The following SV2B variants were observed in gnomAD, a reference collection of about 807,000 sequenced individuals.
The protein encoded by SV2B is solute carrier family 22 member B2.
Under a neutral mutation model 73.9 loss-of-function variants are expected in SV2B, and 41 were observed. That is an observed-to-expected ratio of 0.56 (90% CI 0.43 to 0.72). The LOEUF is 0.72. Among genes scored for constraint, SV2B ranks in the 30% least tolerant of loss-of-function variants. The pLI is 0.00. For missense variants in SV2B, 764 were observed against 857.8 expected (o/e 0.89, Z 1.37); for synonymous variants, 314 against 314.2 (o/e 1.00, Z 0.01).
rs55894252 is a variant in SV2B, at chr15:91,115,537, A to ATT, written c.-392+15184_-392+15185dup. Reference sequence around the variant, plus strand: ...CAGGCACCCACCATCATGCCTGGCTATTTTTTTTTTTGTATTTTTAGTAGA... The same window carrying ATT: ...CAGGCACCCACCATCATGCCTGGCTATTTTTTTTTTTTTGTATTTTTAGTAGA... On this transcript the variant is annotated intron_variant, in intron 1 of 12. Transcript: ENST00000394232. The surrounding 1 kb of genome is among the most constrained non-coding windows in gnomAD (Gnocchi z 4.3). Among the ~76,000 whole-genome samples, 29 of 144,694 alleles carry ATT rather than the reference A, an allele frequency of 2.0e-4. No homozygotes were observed. The highest frequency in any genetic ancestry group is 5.3e-4 in the African/African-American group (21 of 39,636). 94.9% of individuals were successfully genotyped at this position (144,694 alleles called of 152,430 possible).
chr15:91,127,204 T>G (rs1467871614), intron 1 of SV2B, among the ~76,000 whole-genome samples: 1 of 152,224 alleles, frequency 6.6e-6, no homozygotes, highest in East Asian at 1.9e-4. Flanking sequence ...GAGGTGGATA[T>G]TCACAAAATG....
rs1391185207 is a variant in SV2B, at chr15:91,294,156, G to A, written c.*1604G>A. 6.6e-6 allele frequency: 1 copy of A among 152,226 alleles called. No homozygotes were observed. Among genetic ancestry groups the A allele is most frequent in the African/African-American group, 2.4e-5 (1 of 41,454 alleles). 9.4% of individuals were successfully genotyped at this position (152,226 alleles called of 1,614,324 possible). A position where few individuals can be genotyped will look rare whatever the true frequency, so the allele number is the denominator to read the frequency against. ...CAAGTGCCACATTTTCCCTGGCAGA[G>A]ATCTCCAAAAATTTAAAACAGAATA... On this transcript the variant is annotated 3_prime_UTR_variant, in exon 13 of 13. Transcript: ENST00000394232. This position sits in a 1 kb window ranked among gnomAD's most constrained non-coding sequence, Gnocchi z 4.1.
In SV2B at chr15:91,129,533, A is replaced by G. The variant is rs1021261241; in HGVS notation, c.-392+29170A>G. 2.6e-5 allele frequency among the ~76,000 whole-genome samples: 4 copies of G among 152,184 alleles called. No individual in the cohort carries two copies. In the South Asian group the frequency reaches 8.3e-4, roughly 31 times the overall value. ...GGCCCTAGTGCATGGATGAAGCTGCAAGGGTGGACAGAACCAAAACAGAAG... is the reference window on the plus strand; with the variant it reads ...GGCCCTAGTGCATGGATGAAGCTGCGAGGGTGGACAGAACCAAAACAGAAG... On this transcript the variant is annotated intron_variant, in intron 1 of 12. Coordinates refer to ENST00000394232, the MANE Select transcript of SV2B (RefSeq NM_001323032.3). The surrounding 1 kb of genome is among the most constrained non-coding windows in gnomAD (Gnocchi z 5.1).
intron 6 of SV2B, among the ~76,000 whole-genome samples, chr15:91,262,428 T>A (rs1249358547): frequency 1.3e-5 from 2 of 152,226 alleles, no homozygotes; most frequent in Non-Finnish European, 2.9e-5. Context: ...TTCTAAAATA[T>A]CTGAAATATG....
chr15:91,217,477 A>G (rs1024530840), intron 1 of SV2B, among the ~76,000 whole-genome samples: 2 of 152,306 alleles, frequency 1.3e-5, no homozygotes, highest in East Asian at 1.9e-4. Flanking sequence ...TGACGAGTTA[A>G]TGGGTGCAGC....
chr15:91,145,318 C>A (rs2043115889), intron 1 of SV2B, among the ~76,000 whole-genome samples: 1 of 152,188 alleles, frequency 6.6e-6, no homozygotes, highest in African/African-American at 2.4e-5. Flanking sequence ...AAGGATATGA[C>A]CCCATTCTTT....
intron 9 of SV2B, among the ~76,000 whole-genome samples, chr15:91,272,828 C>CTTTTTTT (rs869274294): frequency 1.1e-5 from 1 of 92,852 alleles, no homozygotes; most frequent in Non-Finnish European, 2.1e-5. Flanking sequence ...GCATATTCGT[C>CTTTTTTT]TTTTTTTTTT....
intron 9 of SV2B, among the ~76,000 whole-genome samples, chr15:91,272,322 C>T (rs557516274): frequency 7.2e-5 from 11 of 152,304 alleles, no homozygotes; most frequent in African/African-American, 2.4e-4. Flanking sequence ...TATGTATTAA[C>T]TAAGTAATTA....
rs2046593576 is a variant in SV2B, at chr15:91,231,984, T to C, written c.451+5270T>C. ...CATAGCAGCTCAGAGATAGATATAT[T>C]ACTCTGCTGTCGTGAAAGATTATCT... On this transcript the variant is annotated intron_variant, in intron 2 of 12. Coordinates refer to ENST00000394232, the MANE Select transcript of SV2B (RefSeq NM_001323032.3). The surrounding 1 kb of genome is among the most constrained non-coding windows in gnomAD (Gnocchi z 4.5). 1.3e-5 allele frequency among the ~76,000 whole-genome samples: 2 copies of C among 152,182 alleles called. No individual in the cohort carries two copies. Among genetic ancestry groups the C allele is most frequent in the Non-Finnish European group, 2.9e-5 (2 of 68,032 alleles).
chr15:91,259,674 A>T (rs2047835634), intron 5 of SV2B, among the ~76,000 whole-genome samples: 1 of 152,082 alleles, frequency 6.6e-6, no homozygotes. Flanking sequence ...CCTCTTTCAG[A>T]TTCTGGTGGT....
In SV2B at chr15:91,242,595, C is replaced by T. The variant is rs535188403; in HGVS notation, c.452-9224C>T. ...TGCGAAGATCTGAACAAAGAACATT[C>T]TAGATAGAGGAAAGAGCAGTGTGAA... is the stretch of plus-strand genomic sequence containing the variant. On this transcript the variant is annotated intron_variant, in intron 2 of 12. Transcript: ENST00000394232. The surrounding 1 kb of genome is among the most constrained non-coding windows in gnomAD (Gnocchi z 4.9). 1.3e-5 allele frequency among the ~76,000 whole-genome samples: 2 copies of T among 152,052 alleles called. No individual in the cohort carries two copies. Among genetic ancestry groups the T allele is most frequent in the Non-Finnish European group, 2.9e-5 (2 of 68,018 alleles).
rs888658374 is a variant in SV2B at position 91,292,755 on chromosome 15, C to T, written c.*203C>T. 7.4e-6 allele frequency: 4 copies of T among 541,814 alleles called. No homozygotes were observed. Among genetic ancestry groups the T allele is most frequent in the Non-Finnish European group, 6.2e-6 (2 of 323,192 alleles). The allele number at this position is 541,814 out of a possible 1,614,324, so 33.6% of individuals were successfully genotyped here. ...CTGATTTGGGGGTGCCCTGAGCCACCCTTAGAATCACAGAGCTGCGTGTTT... is the reference window on the plus strand; with the variant it reads ...CTGATTTGGGGGTGCCCTGAGCCACTCTTAGAATCACAGAGCTGCGTGTTT... On this transcript the variant is annotated 3_prime_UTR_variant, in exon 13 of 13. Coordinates refer to ENST00000394232, the MANE Select transcript of SV2B (RefSeq NM_001323032.3).
At chr15:91,134,986 T>G (rs1009770208) in intron 1 of SV2B, among the ~76,000 whole-genome samples, 1 of 144,186 alleles carries the variant, frequency 6.9e-6, no homozygotes, top group Non-Finnish European at 1.5e-5. Flanking sequence ...TATAACAGTA[T>G]TTCTCAACCT....
intron 1 of SV2B, among the ~76,000 whole-genome samples, chr15:91,153,490 C>T (rs1391998114): frequency 2.6e-5 from 4 of 152,146 alleles, no homozygotes; most frequent in Non-Finnish European, 5.9e-5. Flanking sequence ...TTCCCCATCC[C>T]TCATGGGGAT....
At position 91,227,786 on chromosome 15, in the gene SV2B, T is replaced by C. The variant is rs542578616; in HGVS notation, c.451+1072T>C. On this transcript the variant is annotated intron_variant, in intron 2 of 12. Transcript: ENST00000394232. This position sits in a 1 kb window ranked among gnomAD's most constrained non-coding sequence, Gnocchi z 4.5. ...CAAACACAGAGAATTATTTGGTTAC[T>C]GTAGGGACAGTCTCTATGAAATACC... Among the ~76,000 whole-genome samples, 226 of 152,360 alleles carry C rather than the reference T, an allele frequency of 1.5e-3. No homozygotes were observed. The highest frequency in any genetic ancestry group is 4.9e-3 in the African/African-American group (203 of 41,582).
chr15:91,134,704 A>C (rs2042764885), intron 1 of SV2B, among the ~76,000 whole-genome samples: 1 of 152,206 alleles, frequency 6.6e-6, no homozygotes, highest in South Asian at 2.1e-4. Flanking sequence ...GGAGTAACAT[A>C]TATGAAGTGC....
At chr15:91,221,709 A>G (rs1230987648) in intron 1 of SV2B, among the ~76,000 whole-genome samples, 1 of 150,780 alleles carries the variant, frequency 6.6e-6, no homozygotes, top group Non-Finnish European at 1.5e-5. Flanking sequence ...ACACACACAC[A>G]CACACACACA....
rs574785844 is a variant in SV2B at position 91,279,245 on chromosome 15, T to G, written c.1374-2483T>G. ...TGGTTTTCTTGTTTATCTCTTTAAT[T>G]AGACTGAATTTCTTTAGGGTGATGC... On this transcript the variant is annotated intron_variant, in intron 9 of 12. Coordinates refer to ENST00000394232, the MANE Select transcript of SV2B (RefSeq NM_001323032.3). Among the ~76,000 whole-genome samples the G allele has an allele frequency of 8.5e-5, 13 of 152,354 alleles. No individual in the cohort carries two copies. In the South Asian group the frequency reaches 2.7e-3, roughly 32 times the overall value.
Position 91,236,382 on chromosome 15 carries a change from A to G in SV2B, c.451+9668A>G, listed in dbSNP as rs563080114. Among the ~76,000 whole-genome samples, 5 of 152,354 alleles carry G rather than the reference A, an allele frequency of 3.3e-5. No homozygotes were observed. Among genetic ancestry groups the G allele is most frequent in the African/African-American group, 1.2e-4 (5 of 41,588 alleles). The stretch of plus-strand genomic sequence containing the variant: ...ACTTCACCAAGAACAAAAAAGACCC[A>G]TAAGACCCTTGACCCACATGTTGGA... On this transcript the variant is annotated intron_variant, in intron 2 of 12. Coordinates refer to ENST00000394232, the MANE Select transcript of SV2B (RefSeq NM_001323032.3). This position sits in a 1 kb window ranked among gnomAD's most constrained non-coding sequence, Gnocchi z 4.1.
Sources: gnomAD v4.1 joint callset for allele counts (sites outside exome capture counted in the v4.1 genomes callset) on GRCh38, gnomAD v4.1.1 for gene constraint, Gnocchi (gnomAD v3.1) non-coding constraint, MANE v1.5 for transcripts, NCBI Gene and HGNC (gene_info 2026-07-23, HGNC 2026-07-21) for gene names.